Variants in PTN observed in about 807,000 individuals in gnomAD.
The protein encoded by PTN is heparin affin regulatory protein.
Under a neutral mutation model 24.1 loss-of-function variants are expected in PTN, and 18 were observed. The observed-to-expected ratio is 0.75, with a 90% CI of 0.52 to 1.11. The LOEUF (loss-of-function observed/expected upper bound fraction) is 1.11. PTN is among the 50% of genes least tolerant of loss of function. The probability of loss-of-function intolerance (pLI) is 0.00; values close to 1 mark genes in which losing one functional copy is unlikely to be tolerated. For missense variants in PTN, 163 were observed against 198.8 expected, an observed-to-expected ratio of 0.82 and a Z score of 1.08; for synonymous variants, 78 against 68.6, an observed-to-expected ratio of 1.14 and a Z score of -0.67.
At chr7:137,264,208 C>T (rs552759608) in intron 1 of PTN, among the ~76,000 whole-genome samples, 4 of 152,068 alleles carry the variant, frequency 2.6e-5, no homozygotes, top group Non-Finnish European at 5.9e-5. Flanking sequence ...TTAGAGACTG[C>T]GCTACATACC....
At chr7:137,285,676 A>T (rs1809542619) in intron 1 of PTN, among the ~76,000 whole-genome samples, 1 of 152,058 alleles carries the variant, frequency 6.6e-6, no homozygotes, top group Admixed American at 6.6e-5. Context: ...CCTCAAAAAT[A>T]AAAAAAATAA....
chr7:137,237,511 TGTTA>T (rs1186434005), intron 4 of PTN, among the ~76,000 whole-genome samples: 4 of 152,168 alleles, frequency 2.6e-5, no homozygotes, highest in Admixed American at 2.6e-4. Context: ...AAAAATAGGA[TGTTA>T]GTTTATTGTT....
chr7:137,285,535 G>A (rs561244023), intron 1 of PTN, among the ~76,000 whole-genome samples: 1 of 152,158 alleles, frequency 6.6e-6, no homozygotes, highest in African/African-American at 2.4e-5. Flanking sequence ...ACATGGTGGC[G>A]TGTGCCTGTA....
chr7:137,240,710 G>A (rs1475900776), intron 4 of PTN, among the ~76,000 whole-genome samples: 1 of 152,202 alleles, frequency 6.6e-6, no homozygotes, highest in Non-Finnish European at 1.5e-5. Flanking sequence ...CAAGTGCCCA[G>A]CCAGGAAGAT....
intron 1 of PTN, among the ~76,000 whole-genome samples, chr7:137,261,333 A>T (rs887792285): frequency 2.0e-5 from 3 of 152,216 alleles, no homozygotes; most frequent in Non-Finnish European, 4.4e-5. Context: ...AAAGGAAATG[A>T]TAGAACTAAA....
chr7:137,239,479 C>A (rs144487135), intron 4 of PTN, among the ~76,000 whole-genome samples: 1 of 151,766 alleles, frequency 6.6e-6, no homozygotes, highest in Non-Finnish European at 1.5e-5. Context: ...ATACATGTGA[C>A]GTGCTGGTGC....
chr7:137,311,871 C>T (rs1227569998), intron 1 of PTN, among the ~76,000 whole-genome samples: 2 of 132,654 alleles, frequency 1.5e-5, no homozygotes, highest in Non-Finnish European at 2.9e-5. Context: ...AAATATGACA[C>T]AGAGACACAA....
At chr7:137,298,485 T>C (rs753897314) in intron 1 of PTN, among the ~76,000 whole-genome samples, 19 of 151,928 alleles carry the variant, frequency 1.3e-4, no homozygotes, top group Non-Finnish European at 2.5e-4. Flanking sequence ...AAACCTCTTA[T>C]AATTCATGTC....
intron 1 of PTN, among the ~76,000 whole-genome samples, chr7:137,281,872 C>G (rs1158965191): frequency 1.3e-5 from 2 of 152,156 alleles, no homozygotes; most frequent in Non-Finnish European, 2.9e-5. Context: ...TTTATTTTCA[C>G]AATAACTTTA....
Position 137,324,433 on chromosome 7 carries a change from A to AAAAAATATATAT in PTN, c.-2+19005_-2+19006insATATATATTTTT. Among the ~76,000 whole-genome samples, 328 of 88,726 alleles carry AAAAAATATATAT rather than the reference A, an allele frequency of 3.7e-3. 11 individuals carry two copies. The highest frequency in any genetic ancestry group is 0.021 in the African/African-American group (307 of 14,448). 58.2% of individuals were successfully genotyped at this position (88,726 alleles called of 152,430 possible). ...CCCTGTCTCTAAAAAAAAAAAAAAAAATATATATATATATATATAAATTAA... is the reference window on the plus strand; with the variant it reads ...CCCTGTCTCTAAAAAAAAAAAAAAAAAAAAATATATATATATATATATATATATATAAATTAA... On this transcript the variant is annotated intron_variant, in intron 1 of 4. Coordinates refer to ENST00000348225, the MANE Select transcript of PTN (RefSeq NM_002825.7).
At chr7:137,264,916 GATAGGCCACTGGCCTTGGC>G (rs1809111385) in intron 1 of PTN, among the ~76,000 whole-genome samples, 1 of 151,858 alleles carries the variant, frequency 6.6e-6, no homozygotes, top group Admixed American at 6.5e-5. Context: ...TGTTTTGAGA[GATAGGCCACTGGCCTTGGC>G]CAGGACCTTA....
intron 1 of PTN, among the ~76,000 whole-genome samples, chr7:137,323,161 T>A (rs981485366): frequency 7.9e-5 from 12 of 152,206 alleles, no homozygotes; most frequent in Non-Finnish European, 1.6e-4. Flanking sequence ...TTTATCATTG[T>A]GAGACAGGGA....
intron 1 of PTN, among the ~76,000 whole-genome samples, chr7:137,316,985 G>A (rs114970471): frequency 0.01 from 1,575 of 152,214 alleles, 28 homozygotes; most frequent in African/African-American, 0.036. Flanking sequence ...CCCCAAGCCC[G>A]GCCTCTCCAT....
intron 1 of PTN, among the ~76,000 whole-genome samples, chr7:137,296,402 G>T (rs1809718893): frequency 6.6e-6 from 1 of 151,928 alleles, no homozygotes; most frequent in Non-Finnish European, 1.5e-5. Context: ...AAATAGAAAG[G>T]TTGACAAAGG....
At chr7:137,235,110 T>C (rs1372555720) in intron 4 of PTN, among the ~76,000 whole-genome samples, 1 of 152,028 alleles carries the variant, frequency 6.6e-6, no homozygotes, top group African/African-American at 2.4e-5. Flanking sequence ...GGAGACTTGT[T>C]CAATAAATCA....
At chr7:137,275,062 G>A (rs1486354923) in intron 1 of PTN, among the ~76,000 whole-genome samples, 3 of 152,186 alleles carry the variant, frequency 2.0e-5, no homozygotes, top group Non-Finnish European at 4.4e-5. Flanking sequence ...GGCATCCTGT[G>A]AGACATGTAT....
At chr7:137,289,518 T>G (rs1028514880) in intron 1 of PTN, among the ~76,000 whole-genome samples, 4 of 152,214 alleles carry the variant, frequency 2.6e-5, no homozygotes, top group African/African-American at 9.6e-5. Context: ...GGATATTATC[T>G]AGGTGGCCCT....
chr7:137,343,682 C>A lies in PTN; in HGVS notation c.-245G>T, dbSNP rs1474917384. On this transcript the variant is annotated 5_prime_UTR_variant, in exon 1 of 5. It adds an upstream start codon to the 5' untranslated region. Transcript: ENST00000348225. ...TGGAAGGCGGGGAACCTGATCCTGC[C>A]TTTGACTCAATTACGCCCTGACAGG... 1 of 508,330 alleles carries A rather than the reference C, an allele frequency of 2.0e-6. No individual in the cohort carries two copies. 31.5% of individuals were successfully genotyped at this position (508,330 alleles called of 1,614,324 possible).
At chr7:137,283,168 G>T (rs532050522) in intron 1 of PTN, among the ~76,000 whole-genome samples, 1 of 152,264 alleles carries the variant, frequency 6.6e-6, no homozygotes, top group South Asian at 2.1e-4. Flanking sequence ...AGGTAAAGAT[G>T]AGATGTGTAT....
Sources: gnomAD v4.1 joint callset for allele counts (sites outside exome capture counted in the v4.1 genomes callset) on GRCh38, gnomAD v4.1.1 for gene constraint, MANE v1.5 for transcripts, NCBI Gene and HGNC (gene_info 2026-07-23, HGNC 2026-07-21) for gene names.